Variants in SP140 observed in about 807,000 individuals in gnomAD.
SP140 encodes SP140 nuclear body protein, also known as nuclear body protein SP140.
SP140 carries 81 observed loss-of-function variants against 125.0 expected under a neutral mutation model. The observed-to-expected ratio is 0.65, with a 90% CI of 0.54 to 0.78. SP140 has a LOEUF of 0.78. Ranked by LOEUF, SP140 falls within the 30% of genes least tolerant of loss-of-function variation. SP140 has a pLI of 0.00. For missense variants in SP140, 858 were observed against 1,037.0 expected (o/e 0.83, Z 2.37); for synonymous variants, 312 against 354.0 (o/e 0.88, Z 1.33).
chr2:230,298,341 G>A (rs937908777), intron 22 of SP140, among the ~76,000 whole-genome samples: 10 of 152,174 alleles, frequency 6.6e-5, no homozygotes, highest in African/African-American at 2.4e-4. Flanking sequence ...TCATGCAATA[G>A]CACTGACACA....
Position 230,211,016 on chromosome 2 carries a change from T to G in SP140, c.-322-2638T>G, listed in dbSNP as rs1252681783. On this transcript the variant is annotated intron_variant, in intron 1 of 4. Transcript: ENST00000456542. The surrounding 1 kb of genome is among the most constrained non-coding windows in gnomAD (Gnocchi z 4.2). Reference sequence around the variant, plus strand: ...AGTGTTTTTGTTCATTTGCTTTGCATTTTGACAGAGCCGTTTTGAGCACTA... The same window carrying G: ...AGTGTTTTTGTTCATTTGCTTTGCAGTTTGACAGAGCCGTTTTGAGCACTA... Among the ~76,000 whole-genome samples, 1 of 152,234 alleles carries G rather than the reference T, an allele frequency of 6.6e-6. No individual in the cohort carries two copies. The highest frequency in any genetic ancestry group is 2.4e-5 in the African/African-American group (1 of 41,452).
chr2:230,298,167 C>A (rs1009243207), intron 22 of SP140, among the ~76,000 whole-genome samples: 1 of 152,180 alleles, frequency 6.6e-6, no homozygotes, highest in African/African-American at 2.4e-5. Context: ...CCCATCCATT[C>A]TCTGCTTGCT....
chr2:230,310,038 A>C lies in SP140; in HGVS notation c.2173A>C (p.Arg725=), dbSNP rs769511370. The C allele has an allele frequency of 5.0e-6, 8 of 1,613,914 alleles. No homozygotes were observed. The highest frequency in any genetic ancestry group is 5.1e-6 in the Non-Finnish European group (6 of 1,179,930). The change falls in exon 23 of 27, where the codon AGG becomes CGG. Residue 725 remains arginine, a splice_region_variant and synonymous_variant. Coordinates refer to ENST00000392045, the MANE Select transcript of SP140 (RefSeq NM_007237.5). ...DCHIPPVEAE[R]TPWNCIFCRM... ...TCACATCCCGCCTGTGGAAGCTGAG[A>C]GGTAAGTGACATGCAGGCGTCTCTC...
Position 230,238,239 on chromosome 2 carries a change from G to A in SP140, c.264G>A (p.Leu88=), listed in dbSNP as rs145930955. 3.8e-6 allele frequency: 6 copies of A among 1,599,648 alleles called. No individual in the cohort carries two copies. In the African/African-American group the frequency reaches 8.1e-5, roughly 22 times the overall value. Residue 88 remains leucine, a synonymous_variant, in exon 3 of 27, where the codon CTG becomes CTA. Coordinates refer to ENST00000392045, the MANE Select transcript of SP140 (RefSeq NM_007237.5). ...YEHFQEAFRN[L]VPVTRVMYCV... ...ATTTTCAAGAAGCTTTTAGAAACCTGGTCCCAGTGACAAGAGTGATGTATT... is the reference window on the plus strand; with the variant it reads ...ATTTTCAAGAAGCTTTTAGAAACCTAGTCCCAGTGACAAGAGTGATGTATT...
chr2:230,256,121 C>G (rs528334159), intron 12 of SP140, among the ~76,000 whole-genome samples: 2 of 152,206 alleles, frequency 1.3e-5, no homozygotes, highest in South Asian at 4.1e-4. Flanking sequence ...GTGGTGATTC[C>G]TCAGGGATCT....
At chr2:230,206,583 C>T (rs1304984230) in intron 1 of SP140, among the ~76,000 whole-genome samples, 9 of 98,206 alleles carry the variant, frequency 9.2e-5, no homozygotes, top group Non-Finnish European at 1.6e-4. Context: ...TATATATTAT[C>T]TGGTCCAGAT....
the SP140 span, among the ~76,000 whole-genome samples, chr2:230,193,883 G>A: frequency 6.6e-6 from 1 of 152,182 alleles, no homozygotes. Context: ...TTTGTTGGGA[G>A]CAAAGAGGAA....
chr2:230,229,003 C>G (rs2046859841), intron 1 of SP140, among the ~76,000 whole-genome samples: 1 of 152,040 alleles, frequency 6.6e-6, no homozygotes, highest in African/African-American at 2.4e-5. Context: ...TTTAATTGAG[C>G]ATTTTATGCT....
intron 8 of SP140, among the ~76,000 whole-genome samples, chr2:230,248,405 A>T (rs2049823418): frequency 6.6e-6 from 1 of 152,146 alleles, no homozygotes; most frequent in African/African-American, 2.4e-5. Context: ...CAGAATAGAA[A>T]GAAGTCCAAG....
chr2:230,205,735 A>T (rs1290027587), intron 1 of SP140, among the ~76,000 whole-genome samples: 1 of 152,248 alleles, frequency 6.6e-6, no homozygotes, highest in African/African-American at 2.4e-5. Flanking sequence ...TTTCAGGCAT[A>T]TTGAGACTGT....
chr2:230,259,065 A>G (rs542541496), intron 12 of SP140, among the ~76,000 whole-genome samples: 1 of 152,292 alleles, frequency 6.6e-6, no homozygotes, highest in South Asian at 2.1e-4. Context: ...TGATACCCCT[A>G]GAGCATGGCC....
intron 22 of SP140, among the ~76,000 whole-genome samples, chr2:230,299,637 A>G (rs1347997543): frequency 6.6e-6 from 1 of 152,198 alleles, no homozygotes; most frequent in Non-Finnish European, 1.5e-5. Context: ...ATAAGTGCAG[A>G]AGCCATGGCA....
At chr2:230,231,203 A>G (rs1021559659) in intron 1 of SP140, among the ~76,000 whole-genome samples, 3 of 152,218 alleles carry the variant, frequency 2.0e-5, no homozygotes, top group Non-Finnish European at 1.5e-5. Flanking sequence ...TTAACTAACC[A>G]TAGTTATTTT....
intron 3 of SP140, chr2:230,219,861 G>A: frequency 1.0e-6 from 1 of 963,596 alleles, no homozygotes; most frequent in Non-Finnish European, 1.2e-6. Context: ...AAGCAGCAAA[G>A]ACAGAAACTC....
At chr2:230,295,119 T>G (rs578196312) in intron 21 of SP140, among the ~76,000 whole-genome samples, 10 of 152,354 alleles carry the variant, frequency 6.6e-5, no homozygotes, top group Middle Eastern at 3.4e-3. Flanking sequence ...GTGCAGTGTA[T>G]ATTCAGGACA....
chr2:230,261,793 G>C (rs1429775428), intron 12 of SP140, among the ~76,000 whole-genome samples: 1 of 152,098 alleles, frequency 6.6e-6, no homozygotes, highest in Non-Finnish European at 1.5e-5. Flanking sequence ...CTGCATCCCT[G>C]GTATGAAACC....
chr2:230,239,072 G>A (rs958394213), intron 3 of SP140: 18 of 1,386,352 alleles, frequency 1.3e-5, no homozygotes, highest in African/African-American at 8.7e-5. Context: ...GCATTTAAAC[G>A]GGAAAAGTAA....
At chr2:230,257,420 A>G (rs1235882701) in intron 12 of SP140, among the ~76,000 whole-genome samples, 1 of 152,144 alleles carries the variant, frequency 6.6e-6, no homozygotes, top group Non-Finnish European at 1.5e-5. Context: ...AGAAAGCCGA[A>G]AAGAACCATA....
At chr2:230,205,637 T>C in intron 1 of SP140, among the ~76,000 whole-genome samples, 1 of 152,224 alleles carries the variant, frequency 6.6e-6, no homozygotes, top group East Asian at 1.9e-4. Flanking sequence ...AATGGGTATA[T>C]ACAGTTAGTG....
Sources: allele counts gnomAD v4.1 joint callset (sites outside exome capture counted in the v4.1 genomes callset), GRCh38; gene constraint gnomAD v4.1.1; non-coding constraint Gnocchi (gnomAD v3.1); transcripts MANE v1.5; gene names NCBI Gene and HGNC (gene_info 2026-07-23, HGNC 2026-07-21).